The following SUSD4 variants were observed in gnomAD, a reference collection of about 807,000 sequenced individuals.
SUSD4 encodes the protein sushi domain containing 4.
Under a neutral mutation model 50.5 loss-of-function variants are expected in SUSD4, and 41 were observed. That is an observed-to-expected ratio of 0.81 (90% CI 0.63 to 1.05). The LOEUF is 1.05. Among genes scored for constraint, SUSD4 ranks in the 50% least tolerant of loss-of-function variants. The pLI is 0.00. For synonymous variants in SUSD4, 257 were observed against 257.3 expected, an observed-to-expected ratio of 1.00 and a Z score of 0.01; for missense variants, 580 against 634.7, an observed-to-expected ratio of 0.91 and a Z score of 0.93.
intron 1 of SUSD4, 111 bp from the exon 2 acceptor site, chr1:223,363,571 G>A (rs571308829): frequency 1.6e-6 from 2 of 1,269,566 alleles, no homozygotes; most frequent in East Asian, 5.5e-5. Flanking sequence ...GCTCCATCCT[G>A]GTTCCTCCCC....
At chr1:223,305,472 T>A (rs775371057) in intron 2 of SUSD4, among the ~76,000 whole-genome samples, 1 of 152,160 alleles carries the variant, frequency 6.6e-6, no homozygotes, top group Non-Finnish European at 1.5e-5. Flanking sequence ...ATACAAAAAA[T>A]TCATCAAAGA....
chr1:223,223,699 C>A (rs1365878859), intron 7 of SUSD4, 68 bp from the exon 8 acceptor site: 2 of 1,492,338 alleles, frequency 1.3e-6, no homozygotes, highest in Non-Finnish European at 1.8e-6. Flanking sequence ...CACCCATACT[C>A]CCTCCTGCAC....
At position 223,221,832 on chromosome 1, in the gene SUSD4, G is replaced by A. The variant is rs957088267; in HGVS notation, c.*360C>T. On this transcript the variant is annotated 3_prime_UTR_variant, in exon 9 of 9. Coordinates refer to ENST00000366878, the MANE Select transcript of SUSD4 (RefSeq NM_017982.4). ...TACATGATGTGACATGCTTTCAGAG[G>A]GGGCGGGGAGTACTTGCCAGTCAAT... 1.0e-4 allele frequency: 22 copies of A among 212,430 alleles called. No homozygotes were observed. The highest frequency in any genetic ancestry group is 4.3e-4 in the African/African-American group (19 of 43,804). 13.2% of individuals were successfully genotyped at this position (212,430 alleles called of 1,614,324 possible).
intron 5 of SUSD4, among the ~76,000 whole-genome samples, chr1:223,263,222 C>T (rs1382279485): frequency 2.6e-5 from 4 of 152,154 alleles, no homozygotes; most frequent in South Asian, 2.1e-4. Flanking sequence ...CAGAGGTCCA[C>T]GGCCTACCAG....
chr1:223,268,542 A>G lies in SUSD4; in HGVS notation c.495T>C (p.Cys165=). The change falls in exon 4 of 9, where the codon TGT becomes TGC. Residue 165 remains cysteine, a synonymous_variant. Coordinates refer to ENST00000366878, the MANE Select transcript of SUSD4 (RefSeq NM_017982.4). ...YPDLHNMVSL[C]RDDGTWNNLP... ...GATTATTCCACGTTCCATCATCGCGACATAATGAAACCATATTGTGTAGGT... is the reference window on the plus strand; with the variant it reads ...GATTATTCCACGTTCCATCATCGCGGCATAATGAAACCATATTGTGTAGGT... 1 of 1,614,086 alleles carries G rather than the reference A, an allele frequency of 6.2e-7. No homozygotes were observed. The highest frequency in any genetic ancestry group is 1.3e-5 in the African/African-American group (1 of 75,054).
At position 223,333,357 on chromosome 1, in the gene SUSD4, G is replaced by C. The variant is rs372558627; in HGVS notation, c.148+29921C>G. Among the ~76,000 whole-genome samples, 3 of 152,062 alleles carry C rather than the reference G, an allele frequency of 2.0e-5. 1 individual carries two copies. In the South Asian group the frequency reaches 6.2e-4, roughly 32 times the overall value. On this transcript the variant is annotated intron_variant, in intron 2 of 8. Coordinates refer to ENST00000366878, the MANE Select transcript of SUSD4 (RefSeq NM_017982.4). ...AGCACCTCCTGAGAGCAACAGTGAG[G>C]ATTCTGTGAGATTATACACAAACCA...
At chr1:223,278,710 A>G (rs1663460453) in intron 3 of SUSD4, among the ~76,000 whole-genome samples, 1 of 152,218 alleles carries the variant, frequency 6.6e-6, no homozygotes, top group African/African-American at 2.4e-5. Context: ...AGCTTTGAAG[A>G]GAGTACTGTG....
At chr1:223,279,741 C>T (rs550951466) in intron 3 of SUSD4, among the ~76,000 whole-genome samples, 36 of 152,212 alleles carry the variant, frequency 2.4e-4, no homozygotes, top group Admixed American at 2.2e-3. Flanking sequence ...CAGAGAATGC[C>T]ACAAAGATAC....
At chr1:223,283,998 G>A (rs944960717) in intron 3 of SUSD4, among the ~76,000 whole-genome samples, 23 of 151,012 alleles carry the variant, frequency 1.5e-4, no homozygotes, top group South Asian at 4.2e-4. Context: ...ACCAAACACC[G>A]CATATTCTCA....
chr1:223,307,629 G>A (rs1558235752), intron 2 of SUSD4, among the ~76,000 whole-genome samples: 1 of 152,122 alleles, frequency 6.6e-6, no homozygotes, highest in South Asian at 2.1e-4. Flanking sequence ...TTGGAGATGG[G>A]GAGGAAGAAC....
rs770622281 is a variant in SUSD4, at chr1:223,363,248, A to G, written c.148+30T>C. Reference sequence around the variant, plus strand: ...TCTTTCTCCCCTCTGGGCCATCCCCAGGCCCTCCCACCACAGCTGGGTCAC... The same window carrying G: ...TCTTTCTCCCCTCTGGGCCATCCCCGGGCCCTCCCACCACAGCTGGGTCAC... On this transcript the variant is annotated intron_variant, in intron 2 of 8. Coordinates refer to ENST00000366878, the MANE Select transcript of SUSD4 (RefSeq NM_017982.4). 2.0e-6 allele frequency: 3 copies of G among 1,535,410 alleles called. No homozygotes were observed. The South Asian group carries it at 3.9e-5, about 20-fold the overall frequency.
chr1:223,252,239 AT>A (rs1450851121), intron 5 of SUSD4, among the ~76,000 whole-genome samples: 3 of 69,500 alleles, frequency 4.3e-5, no homozygotes, highest in African/African-American at 1.2e-4. Flanking sequence ...AAAAAAAAAT[AT>A]ATATATATAT....
chr1:223,338,141 T>C (rs1276979853), intron 2 of SUSD4, among the ~76,000 whole-genome samples: 1 of 152,276 alleles, frequency 6.6e-6, no homozygotes, highest in Non-Finnish European at 1.5e-5. Context: ...GTGATATTTA[T>C]GTAAACGTAC....
intron 5 of SUSD4, among the ~76,000 whole-genome samples, chr1:223,242,256 T>C (rs528062683): frequency 6.6e-5 from 10 of 152,316 alleles, no homozygotes; most frequent in African/African-American, 1.9e-4. Flanking sequence ...ATTAGACTTC[T>C]TTCTTAATAT....
At chr1:223,272,004 A>C (rs1227419756) in intron 3 of SUSD4, among the ~76,000 whole-genome samples, 1 of 152,230 alleles carries the variant, frequency 6.6e-6, no homozygotes, top group African/African-American at 2.4e-5. Context: ...AGGTGGGTGG[A>C]TCACCTGAGG....
rs1659620642 is a variant in SUSD4, at chr1:223,227,805, G to A, written c.917-67C>T. ...CATGAGAGGTGCCGAGGTTCCCCGTGGGCTCATTTGCTGGATTCATCTGGC... is the reference window on the plus strand; with the variant it reads ...CATGAGAGGTGCCGAGGTTCCCCGTAGGCTCATTTGCTGGATTCATCTGGC... On this transcript the variant is annotated intron_variant, in intron 6 of 8. Transcript: ENST00000366878. The surrounding 1 kb of genome is among the most constrained non-coding windows in gnomAD (Gnocchi z 4.5). 1 of 1,519,912 alleles carries A rather than the reference G, an allele frequency of 6.6e-7. No individual in the cohort carries two copies. Among genetic ancestry groups the A allele is most frequent in the Non-Finnish European group, 8.9e-7 (1 of 1,124,588 alleles). The allele number at this position is 1,519,912 out of a possible 1,614,324, so 94.2% of individuals were successfully genotyped here.
At chr1:223,354,092 C>T (rs1668523347) in intron 2 of SUSD4, among the ~76,000 whole-genome samples, 1 of 151,980 alleles carries the variant, frequency 6.6e-6, no homozygotes, top group African/African-American at 2.4e-5. Context: ...GCAGCTGAGC[C>T]TCGGACAGCT....
intron 2 of SUSD4, chr1:223,360,272 G>T (rs1668901004): frequency 2.1e-6 from 1 of 470,198 alleles, no homozygotes; most frequent in Non-Finnish European, 4.4e-6. Flanking sequence ...GGGGCACTCT[G>T]GGCATCCCTC....
chr1:223,363,759 A>T (rs1248241865), intron 1 of SUSD4: 1 of 255,098 alleles, frequency 3.9e-6, no homozygotes, highest in East Asian at 8.1e-5. Flanking sequence ...AGCTGTGCCC[A>T]CCACAGGAAA....
Sources: allele counts gnomAD v4.1 joint callset (sites outside exome capture counted in the v4.1 genomes callset), GRCh38; gene constraint gnomAD v4.1.1; non-coding constraint Gnocchi (gnomAD v3.1); transcripts MANE v1.5; gene names NCBI Gene and HGNC (gene_info 2026-07-23, HGNC 2026-07-21).